The following SLC12A2 variants were observed in gnomAD, a reference collection of about 807,000 sequenced individuals.
The protein encoded by SLC12A2 is Na-K-2Cl cotransporter 1.
A neutral mutation model predicts 136.3 loss-of-function variants in SLC12A2; 67 were observed. That is an observed-to-expected ratio of 0.49 (90% CI 0.40 to 0.60). The LOEUF (loss-of-function observed/expected upper bound fraction) is 0.60, where lower values mean the gene tolerates loss of function less well. SLC12A2 is among the 20% of genes least tolerant of loss of function. SLC12A2 has a pLI of 0.00. For missense variants in SLC12A2, 1,322 were observed against 1,534.7 expected (o/e 0.86, Z 2.32); for synonymous variants, 619 against 562.9 (o/e 1.10, Z -1.41).
intron 14 of SLC12A2, among the ~76,000 whole-genome samples, chr5:128,151,711 T>A (rs2126723446): frequency 6.6e-6 from 1 of 152,268 alleles, no homozygotes; most frequent in Middle Eastern, 3.4e-3. Flanking sequence ...GGTATATTTT[T>A]AAATTATTTT....
intron 1 of SLC12A2, among the ~76,000 whole-genome samples, chr5:128,104,859 G>C (rs1298824098): frequency 6.6e-6 from 1 of 151,960 alleles, no homozygotes; most frequent in East Asian, 1.9e-4. Context: ...AATCTCCTCT[G>C]GAGCTATACA....
At chr5:128,162,710 C>T (rs974333655) in intron 17 of SLC12A2, among the ~76,000 whole-genome samples, 2 of 151,934 alleles carry the variant, frequency 1.3e-5, no homozygotes, top group African/African-American at 4.8e-5. Context: ...AGAAAAAAAG[C>T]GAAAGATATG....
At chr5:128,113,311 T>C (rs1029578276) in intron 2 of SLC12A2, among the ~76,000 whole-genome samples, 1 of 152,232 alleles carries the variant, frequency 6.6e-6, no homozygotes, top group Non-Finnish European at 1.5e-5. Flanking sequence ...AGCTGAAATA[T>C]GCCTGCTTCC....
At chr5:128,148,630 C>A in intron 11 of SLC12A2, 124 bp from the exon 12 acceptor site, 2 of 691,896 alleles carry the variant, frequency 2.9e-6, no homozygotes, top group Non-Finnish European at 4.6e-6. Context: ...GTATCTGGGA[C>A]AGGATAAAAG....
chr5:128,110,925 G>T, intron 1 of SLC12A2: 1 of 934,518 alleles, frequency 1.1e-6, no homozygotes, highest in Non-Finnish European at 1.8e-6. Flanking sequence ...GCATGAAAAG[G>T]GTAGAACCAC....
At chr5:128,105,788 C>T (rs1581063914) in intron 1 of SLC12A2, among the ~76,000 whole-genome samples, 1 of 152,258 alleles carries the variant, frequency 6.6e-6, no homozygotes, top group East Asian at 1.9e-4. Flanking sequence ...TGTCTATTTT[C>T]TACATACTCA....
At chr5:128,150,214 C>A in intron 13 of SLC12A2, 116 bp downstream of exon 13, 1 of 656,680 alleles carries the variant, frequency 1.5e-6, no homozygotes, top group Admixed American at 2.6e-5. Context: ...AATGCCAAGT[C>A]TGTCTTTACA....
At position 128,174,705 on chromosome 5, in the gene SLC12A2, T is replaced by C. The variant is rs374277603; in HGVS notation, c.2929+39T>C. On this transcript the variant is annotated intron_variant, in intron 20 of 26. Coordinates refer to ENST00000262461, the MANE Select transcript of SLC12A2 (RefSeq NM_001046.3). ...AAACAATAAGTCTTATTAATAGTAA[T>C]GTTTTAATTTGGGAGAAATATTTTT... 70 of 1,430,740 alleles carry C rather than the reference T, an allele frequency of 4.9e-5. No individual in the cohort carries two copies. In the African/African-American group the frequency reaches 9.0e-4, roughly 18 times the overall value. The allele number at this position is 1,430,740 out of a possible 1,614,324, so 88.6% of individuals were successfully genotyped here. A position where few individuals can be genotyped will look rare whatever the true frequency, so the allele number is the denominator to read the frequency against.
Position 128,180,997 on chromosome 5 carries a change from A to C in SLC12A2, c.3212+3A>C. 1 of 1,531,778 alleles carries C rather than the reference A, an allele frequency of 6.5e-7. No homozygotes were observed. The highest frequency in any genetic ancestry group is 9.0e-7 in the Non-Finnish European group (1 of 1,105,820). 94.9% of individuals were successfully genotyped at this position (1,531,778 alleles called of 1,614,324 possible). A position where few individuals can be genotyped will look rare whatever the true frequency, so the allele number is the denominator to read the frequency against. ...AGAATAGACCATGACCGGAGAGCGT[A>C]AGTTTATTTCACATTGAAGGGCATG... On this transcript the variant is annotated splice_donor_region_variant and intron_variant, in intron 23 of 26. Coordinates refer to ENST00000262461, the MANE Select transcript of SLC12A2 (RefSeq NM_001046.3).
At chr5:128,113,125 A>G (rs1473800941) in intron 2 of SLC12A2, among the ~76,000 whole-genome samples, 192 bp downstream of exon 2, 1 of 152,202 alleles carries the variant, frequency 6.6e-6, no homozygotes, top group Non-Finnish European at 1.5e-5. Context: ...CAAAGGAGAT[A>G]TGCCATTTAT....
intron 19 of SLC12A2, among the ~76,000 whole-genome samples, chr5:128,173,546 C>T (rs555618652): frequency 6.6e-6 from 1 of 152,150 alleles, no homozygotes; most frequent in South Asian, 2.1e-4. Flanking sequence ...GAATTAAGAG[C>T]ATAGGCATTG....
chr5:128,161,355 A>G (rs533656684), intron 16 of SLC12A2, among the ~76,000 whole-genome samples: 2 of 152,166 alleles, frequency 1.3e-5, no homozygotes, highest in African/African-American at 4.8e-5. Flanking sequence ...ACTCTGTATA[A>G]TCTCTTCATT....
At chr5:128,122,232 A>G (rs532595926) in intron 4 of SLC12A2, among the ~76,000 whole-genome samples, 2 of 152,334 alleles carry the variant, frequency 1.3e-5, no homozygotes, top group African/African-American at 4.8e-5. Flanking sequence ...TCCAAAATCT[A>G]AAATCAACAT....
At chr5:128,085,568 CAT>C (rs1191711892) in intron 1 of SLC12A2, among the ~76,000 whole-genome samples, 1 of 152,140 alleles carries the variant, frequency 6.6e-6, no homozygotes, top group Admixed American at 6.5e-5. Context: ...TTTGAGATAA[CAT>C]TGATGCTTTT....
chr5:128,161,846 T>C (rs1293440748), intron 17 of SLC12A2, 46 bp downstream of exon 17: 4 of 1,281,938 alleles, frequency 3.1e-6, no homozygotes, highest in Non-Finnish European at 4.1e-6. Flanking sequence ...TAGATTTGTA[T>C]AAGCTTTTTA....
intron 1 of SLC12A2, among the ~76,000 whole-genome samples, chr5:128,093,126 A>T (rs530220149): frequency 1.4e-4 from 21 of 152,010 alleles, no homozygotes; most frequent in South Asian, 4.1e-4. Flanking sequence ...AATTTCAGGA[A>T]GTTTTTGTTT....
intron 1 of SLC12A2, among the ~76,000 whole-genome samples, chr5:128,103,757 A>G (rs1398579254): frequency 1.3e-5 from 2 of 152,352 alleles, no homozygotes; most frequent in East Asian, 3.9e-4. Context: ...AAGGCAAGCC[A>G]AAAGTCCCTC....
intron 17 of SLC12A2, among the ~76,000 whole-genome samples, chr5:128,163,318 C>G (rs1763102764): frequency 6.6e-6 from 1 of 152,082 alleles, no homozygotes; most frequent in South Asian, 2.1e-4. Context: ...CACCTGAGGT[C>G]AGGAGTTCAA....
At chr5:128,129,438 C>T (rs1761935775) in intron 4 of SLC12A2, among the ~76,000 whole-genome samples, 1 of 148,880 alleles carries the variant, frequency 6.7e-6, no homozygotes, top group Non-Finnish European at 1.5e-5. Context: ...TCATTTTTAT[C>T]TCAAAATCAT....
Sources: gnomAD v4.1 joint callset for allele counts (sites outside exome capture counted in the v4.1 genomes callset) on GRCh38, gnomAD v4.1.1 for gene constraint, MANE v1.5 for transcripts, NCBI Gene and HGNC (gene_info 2026-07-23, HGNC 2026-07-21) for gene names.